NXPH2: variants seen among roughly 807,000 people sequenced by gnomAD.
NXPH2 encodes neurexophilin-2.
NXPH2 carries 5 observed loss-of-function variants against 19.8 expected under a neutral mutation model. The ratio of observed to expected loss-of-function variants is 0.25; its 90% CI spans 0.13 to 0.53. The LOEUF is 0.53. Among genes scored for constraint, NXPH2 ranks in the 20% least tolerant of loss-of-function variants. The probability of loss-of-function intolerance (pLI) is 0.96; values close to 1 mark genes in which losing one functional copy is unlikely to be tolerated. For synonymous variants in NXPH2, 154 were observed against 127.4 expected (o/e 1.21, Z -1.41); for missense variants, 289 against 322.8 (o/e 0.90, Z 0.80).
At chr2:138,715,757 T>A (rs1681187741) in intron 1 of NXPH2, among the ~76,000 whole-genome samples, 1 of 152,150 alleles carries the variant, frequency 6.6e-6, no homozygotes, top group Admixed American at 6.5e-5. Context: ...CCTCTAGAGG[T>A]CTAGAGTCAC....
chr2:138,737,233 T>C (rs1376376972), intron 1 of NXPH2, among the ~76,000 whole-genome samples: 1 of 152,098 alleles, frequency 6.6e-6, no homozygotes, highest in Non-Finnish European at 1.5e-5. Flanking sequence ...TATCCAAGAC[T>C]GGAAAGAAAA....
chr2:138,705,286 A>C (rs972058145), intron 1 of NXPH2, among the ~76,000 whole-genome samples: 6 of 152,152 alleles, frequency 3.9e-5, no homozygotes, highest in Admixed American at 6.5e-5. Context: ...AAAAATAAAC[A>C]TTAAGATCCT....
rs1398631488 is a variant in NXPH2 at position 138,669,327 on chromosome 2, A to G, written c.*1595T>C. On this transcript the variant is annotated 3_prime_UTR_variant, in exon 2 of 2. Transcript: ENST00000272641. ...AGGTGAAAATAAAAAGATGTTTCAA[A>G]ATATTAATCACCAACCACAAAATTA... 6.6e-6 allele frequency among the ~76,000 whole-genome samples: 1 copy of G among 152,146 alleles called. No homozygotes were observed. Among genetic ancestry groups the G allele is most frequent in the African/African-American group, 2.4e-5 (1 of 41,434 alleles).
At chr2:138,758,938 C>T (rs1305742284) in intron 1 of NXPH2, among the ~76,000 whole-genome samples, 17 of 152,160 alleles carry the variant, frequency 1.1e-4, no homozygotes, top group Admixed American at 1.0e-3. Flanking sequence ...AGATATAAAA[C>T]TTATCATCTC....
chr2:138,748,741 A>G (rs1314008604), intron 1 of NXPH2, among the ~76,000 whole-genome samples: 1 of 152,178 alleles, frequency 6.6e-6, no homozygotes, highest in African/African-American at 2.4e-5. Flanking sequence ...TATTGGATTA[A>G]CTTTTAGAAA....
chr2:138,716,365 C>T (rs903869497), intron 1 of NXPH2, among the ~76,000 whole-genome samples: 5 of 152,254 alleles, frequency 3.3e-5, no homozygotes, highest in Middle Eastern at 3.4e-3. Context: ...AACTAGTGCT[C>T]TTATAAAAAG....
At chr2:138,705,859 C>T (rs897926922) in intron 1 of NXPH2, among the ~76,000 whole-genome samples, 14 of 152,184 alleles carry the variant, frequency 9.2e-5, no homozygotes, top group Admixed American at 2.6e-4. Flanking sequence ...AGCCCCTCTT[C>T]GGACCAAATG....
intron 1 of NXPH2, among the ~76,000 whole-genome samples, chr2:138,682,750 G>T (rs1349039939): frequency 6.6e-6 from 1 of 152,184 alleles, no homozygotes; most frequent in Non-Finnish European, 1.5e-5. Context: ...AACCTAGATT[G>T]CAATGCTTGG....
At chr2:138,728,637 A>G (rs1259311284) in intron 1 of NXPH2, among the ~76,000 whole-genome samples, 1 of 152,244 alleles carries the variant, frequency 6.6e-6, no homozygotes, top group African/African-American at 2.4e-5. Flanking sequence ...TAAGGCATAA[A>G]TAATGCTTAT....
intron 1 of NXPH2, among the ~76,000 whole-genome samples, chr2:138,777,198 G>A (rs923745744): frequency 6.6e-6 from 1 of 151,934 alleles, no homozygotes; most frequent in African/African-American, 2.4e-5. Context: ...TCTTTACCTT[G>A]TATCATGATG....
chr2:138,674,595 T>A (rs919956194), intron 1 of NXPH2, among the ~76,000 whole-genome samples: 1 of 152,222 alleles, frequency 6.6e-6, no homozygotes, highest in Non-Finnish European at 1.5e-5. Flanking sequence ...CCTTGAATAC[T>A]CTTACTCATG....
intron 1 of NXPH2, among the ~76,000 whole-genome samples, chr2:138,721,420 A>G (rs189972128): frequency 6.6e-6 from 1 of 152,052 alleles, no homozygotes; most frequent in Non-Finnish European, 1.5e-5. Flanking sequence ...AATTGGAAAG[A>G]GTCTATATGC....
At chr2:138,685,476 G>C (rs965920975) in intron 1 of NXPH2, among the ~76,000 whole-genome samples, 6 of 152,098 alleles carry the variant, frequency 3.9e-5, no homozygotes, top group African/African-American at 1.2e-4. Context: ...TTACCATGGG[G>C]TTATGTCCCA....
intron 1 of NXPH2, among the ~76,000 whole-genome samples, chr2:138,673,946 C>G (rs1462855867): frequency 6.6e-6 from 1 of 151,876 alleles, no homozygotes; most frequent in Non-Finnish European, 1.5e-5. Flanking sequence ...ATGTGTCTGT[C>G]TTATTTCACT....
At chr2:138,709,789 A>T (rs1681069390) in intron 1 of NXPH2, among the ~76,000 whole-genome samples, 1 of 152,196 alleles carries the variant, frequency 6.6e-6, no homozygotes, top group Non-Finnish European at 1.5e-5. Flanking sequence ...TCAGTGTCTT[A>T]GTATTTCACT....
At chr2:138,754,853 T>C (rs572306280) in intron 1 of NXPH2, among the ~76,000 whole-genome samples, 1 of 152,128 alleles carries the variant, frequency 6.6e-6, no homozygotes, top group African/African-American at 2.4e-5. Context: ...GAGTTCCTGT[T>C]GCTTTGCATC....
chr2:138,673,203 C>A (rs1680437503), intron 1 of NXPH2, among the ~76,000 whole-genome samples: 1 of 152,114 alleles, frequency 6.6e-6, no homozygotes, highest in South Asian at 2.1e-4. Context: ...GAACCTAAAT[C>A]CATATGGCCT....
intron 1 of NXPH2, among the ~76,000 whole-genome samples, chr2:138,773,070 G>A (rs1451310470): frequency 1.3e-5 from 2 of 152,232 alleles, no homozygotes; most frequent in Admixed American, 1.3e-4. Context: ...CCAAATCCAT[G>A]AATGTTGGAA....
chr2:138,685,687 AT>A (rs1265335847), intron 1 of NXPH2, among the ~76,000 whole-genome samples: 1 of 152,208 alleles, frequency 6.6e-6, no homozygotes, highest in Non-Finnish European at 1.5e-5. Context: ...TAATTTATTG[AT>A]GTTCTACTAA....
Sources: allele counts gnomAD v4.1 joint callset (sites outside exome capture counted in the v4.1 genomes callset), GRCh38; gene constraint gnomAD v4.1.1; transcripts MANE v1.5; gene names NCBI Gene and HGNC (gene_info 2026-07-23, HGNC 2026-07-21).